Variants in DPP10 observed in about 807,000 individuals in gnomAD.
DPP10 encodes the protein dipeptidyl peptidase like 10.
Under a neutral mutation model 120.9 loss-of-function variants are expected in DPP10, and 33 were observed. That is an observed-to-expected ratio of 0.27 (90% CI 0.21 to 0.37). The LOEUF (loss-of-function observed/expected upper bound fraction) is 0.37. DPP10 is among the 10% of genes least tolerant of loss of function. The pLI is 1.00. For synonymous variants in DPP10, 337 were observed against 326.1 expected, an observed-to-expected ratio of 1.03 and a Z score of -0.36; for missense variants, 816 against 942.8, an observed-to-expected ratio of 0.87 and a Z score of 1.76.
chr2:115,658,254 T>C (rs1201608732), intron 5 of DPP10, among the ~76,000 whole-genome samples: 1 of 152,054 alleles, frequency 6.6e-6, no homozygotes, highest in East Asian at 1.9e-4. Context: ...CTAATTGATA[T>C]GCATCTAATA....
intron 1 of DPP10, among the ~76,000 whole-genome samples, chr2:114,685,077 T>C (rs1699276436): frequency 6.6e-6 from 1 of 152,012 alleles, no homozygotes; most frequent in Non-Finnish European, 1.5e-5. Context: ...TGAAGACCAT[T>C]ATCCCCTCTT....
At chr2:114,846,284 A>T (rs1688541688) in intron 1 of DPP10, among the ~76,000 whole-genome samples, 1 of 152,180 alleles carries the variant, frequency 6.6e-6, no homozygotes, top group African/African-American at 2.4e-5. Context: ...TCCAAATACC[A>T]AGCCATGACA....
intron 1 of DPP10, among the ~76,000 whole-genome samples, chr2:115,086,165 C>T (rs1400729229): frequency 6.6e-6 from 1 of 152,206 alleles, no homozygotes; most frequent in Non-Finnish European, 1.5e-5. Context: ...CCTCCCAATT[C>T]TGAAGAGATT....
At chr2:115,199,332 T>G (rs948308576) in intron 1 of DPP10, among the ~76,000 whole-genome samples, 7 of 152,070 alleles carry the variant, frequency 4.6e-5, no homozygotes, top group Non-Finnish European at 8.8e-5. Context: ...TGTATGGGGA[T>G]TTTAGTATAT....
intron 1 of DPP10, among the ~76,000 whole-genome samples, chr2:114,642,022 T>C (rs944996057): frequency 6.6e-6 from 1 of 151,946 alleles, no homozygotes; most frequent in African/African-American, 2.4e-5. Flanking sequence ...AGAAAGTCTT[T>C]TGATTTTAGA....
chr2:115,680,455 T>G (rs774879396), intron 5 of DPP10, among the ~76,000 whole-genome samples: 16 of 151,946 alleles, frequency 1.1e-4, no homozygotes, highest in Non-Finnish European at 2.1e-4. Context: ...AATGTAAGTA[T>G]AACATTCAAA....
intron 1 of DPP10, among the ~76,000 whole-genome samples, chr2:115,014,628 A>G (rs1464443650): frequency 6.6e-6 from 1 of 152,118 alleles, no homozygotes; most frequent in Non-Finnish European, 1.5e-5. Context: ...AGAAGAATGA[A>G]ATAGACACAA....
At chr2:115,140,110 CA>C (rs1257801364) in intron 1 of DPP10, among the ~76,000 whole-genome samples, 2 of 152,126 alleles carry the variant, frequency 1.3e-5, no homozygotes, top group African/African-American at 2.4e-5. Flanking sequence ...AATAAATAAA[CA>C]TGTTCCAGAT....
chr2:115,054,276 G>A (rs1705723592), intron 1 of DPP10, among the ~76,000 whole-genome samples: 1 of 152,154 alleles, frequency 6.6e-6, no homozygotes, highest in Admixed American at 6.5e-5. Context: ...AGAAGGTAGA[G>A]AGGAGGTCCA....
chr2:114,448,399 T>C (rs1036616655), intron 1 of DPP10, among the ~76,000 whole-genome samples: 2 of 152,336 alleles, frequency 1.3e-5, no homozygotes, highest in African/African-American at 4.8e-5. Flanking sequence ...AAATTTGTGA[T>C]GACAAATTAC....
intron 4 of DPP10, among the ~76,000 whole-genome samples, chr2:115,504,817 A>T (rs569258572): frequency 2.4e-3 from 359 of 152,248 alleles, no homozygotes; most frequent in Non-Finnish European, 4.4e-3. Flanking sequence ...GTGGTCATTA[A>T]AACAGGGAAA....
At chr2:115,038,118 G>A (rs575558502) in intron 1 of DPP10, among the ~76,000 whole-genome samples, 94 of 152,204 alleles carry the variant, frequency 6.2e-4, no homozygotes, top group South Asian at 1.9e-3. Context: ...ATGGGTTATC[G>A]TCTGGATATT....
rs558563151 is a variant in DPP10, at chr2:115,059,133, A to C, written c.61-250106A>C. On this transcript the variant is annotated intron_variant, in intron 1 of 25. Coordinates refer to ENST00000410059, the MANE Select transcript of DPP10 (RefSeq NM_020868.6). ...GGGAGGGAGGAAGGAGAAAGAAAAC[A>C]AAGGTGAAAGAAAGAACAAATACAG... 1.4e-4 allele frequency among the ~76,000 whole-genome samples: 22 copies of C among 152,352 alleles called. 1 individual carries two copies. The South Asian group carries it at 4.1e-3, about 29-fold the overall frequency.
At chr2:114,963,946 TA>T (rs1698829002) in intron 1 of DPP10, among the ~76,000 whole-genome samples, 1 of 152,214 alleles carries the variant, frequency 6.6e-6, no homozygotes. Flanking sequence ...AAAGATTTTA[TA>T]AAAGCATTTT....
chr2:115,323,674 T>G (rs1487400291), intron 2 of DPP10, among the ~76,000 whole-genome samples: 1 of 152,204 alleles, frequency 6.6e-6, no homozygotes, highest in Non-Finnish European at 1.5e-5. Context: ...GGCTGCAGAA[T>G]GGATGTTGTG....
intron 3 of DPP10, among the ~76,000 whole-genome samples, chr2:115,353,583 T>C (rs1473787501): frequency 6.6e-6 from 1 of 152,122 alleles, no homozygotes; most frequent in African/African-American, 2.4e-5. Context: ...GTGGGAGATA[T>C]TAGTAATAGG....
intron 1 of DPP10, among the ~76,000 whole-genome samples, chr2:114,924,409 C>T (rs764783112): frequency 7.9e-5 from 12 of 152,088 alleles, no homozygotes; most frequent in Non-Finnish European, 1.5e-4. Context: ...TGCCGTTAAT[C>T]CCAGCTACTC....
At chr2:114,776,414 C>G (rs1681746435) in intron 1 of DPP10, among the ~76,000 whole-genome samples, 2 of 152,036 alleles carry the variant, frequency 1.3e-5, no homozygotes, top group South Asian at 4.1e-4. Context: ...ACATTCATAC[C>G]TAAGGTTCCA....
intron 1 of DPP10, among the ~76,000 whole-genome samples, chr2:115,092,099 A>G (rs1366851264): frequency 1.3e-5 from 2 of 152,152 alleles, no homozygotes; most frequent in African/African-American, 4.8e-5. Context: ...TTAAGTAAAG[A>G]ATTTTTAAAA....
Sources: allele counts gnomAD v4.1 joint callset (sites outside exome capture counted in the v4.1 genomes callset), GRCh38; gene constraint gnomAD v4.1.1; transcripts MANE v1.5; gene names NCBI Gene and HGNC (gene_info 2026-07-23, HGNC 2026-07-21).